SCN2A: variants seen among roughly 807,000 people sequenced by gnomAD.
The protein encoded by SCN2A is sodium channel protein type 2 subunit alpha.
A neutral mutation model predicts 188.7 loss-of-function variants in SCN2A; 20 were observed. That is an observed-to-expected ratio of 0.11 (90% CI 0.07 to 0.15). The LOEUF (loss-of-function observed/expected upper bound fraction) is 0.15. Ranked by LOEUF, SCN2A falls within the 10% of genes least tolerant of loss-of-function variation. SCN2A has a pLI of 1.00. For missense variants in SCN2A, 1,278 were observed against 2,445.0 expected, an observed-to-expected ratio of 0.52 and a Z score of 10.07; for synonymous variants, 804 against 833.1, an observed-to-expected ratio of 0.97 and a Z score of 0.60.
At chr2:165,341,677 G>A (rs1033840269) in intron 14 of SCN2A, among the ~76,000 whole-genome samples, 1 of 152,172 alleles carries the variant, frequency 6.6e-6, no homozygotes, top group African/African-American at 2.4e-5. Flanking sequence ...CTAAGACGCT[G>A]AAGTACTGAG....
At chr2:165,367,083 G>A in intron 18 of SCN2A, 134 bp from the exon 19 acceptor site, 1 of 803,910 alleles carries the variant, frequency 1.2e-6, no homozygotes, top group South Asian at 1.6e-5. Flanking sequence ...GCTTTTGTAA[G>A]CGGAAGCTAT....
At chr2:165,344,947 A>G (rs775813800) in intron 16 of SCN2A, 36 bp downstream of exon 16, 20 of 1,612,234 alleles carry the variant, frequency 1.2e-5, no homozygotes, top group Non-Finnish European at 1.7e-5. Context: ...TTTTCATTAA[A>G]AGATAATGTA....
chr2:165,367,958 T>G (rs1345252224), intron 19 of SCN2A, among the ~76,000 whole-genome samples: 1 of 152,162 alleles, frequency 6.6e-6, no homozygotes, highest in Non-Finnish European at 1.5e-5. Flanking sequence ...AGCTTTGCCA[T>G]CCATGGATGG....
At chr2:165,240,579 A>G (rs1416384444) in intron 1 of SCN2A, among the ~76,000 whole-genome samples, 1 of 152,096 alleles carries the variant, frequency 6.6e-6, no homozygotes, top group East Asian at 1.9e-4. Context: ...AGAGAAATTT[A>G]AAGAGATTTT....
chr2:165,258,775 C>T (rs1055998394), intron 1 of SCN2A, among the ~76,000 whole-genome samples: 3 of 152,158 alleles, frequency 2.0e-5, no homozygotes, highest in Non-Finnish European at 1.5e-5. Flanking sequence ...AAGATTATGT[C>T]CTCTGCAGGG....
intron 25 of SCN2A, among the ~76,000 whole-genome samples, chr2:165,381,741 TA>T (rs1701612350): frequency 6.6e-6 from 1 of 151,996 alleles, no homozygotes; most frequent in Non-Finnish European, 1.5e-5. Flanking sequence ...TCATTCTTTG[TA>T]GGGCTTTTTA....
At chr2:165,310,736 T>A in intron 7 of SCN2A, 141 bp downstream of exon 7, 1 of 530,706 alleles carries the variant, frequency 1.9e-6, no homozygotes, top group East Asian at 3.3e-5. Flanking sequence ...AAAAGAGATA[T>A]CAAATGATAC....
At chr2:165,373,485 A>C (rs1421361362) in intron 21 of SCN2A, 138 bp downstream of exon 21, 1 of 943,966 alleles carries the variant, frequency 1.1e-6, no homozygotes, top group South Asian at 1.6e-5. Context: ...CAAAAATAAT[A>C]TTTACCAGAT....
At chr2:165,365,313 A>AT (rs759119652) in intron 18 of SCN2A, 50 bp downstream of exon 18, 2 of 1,600,992 alleles carry the variant, frequency 1.2e-6, no homozygotes, top group African/African-American at 1.3e-5. Context: ...TTTTCTACCC[A>AT]TTTTTTCCTA....
At position 165,239,483 on chromosome 2, in the gene SCN2A, G is replaced by A. The variant is rs1042665220; in HGVS notation, c.-209G>A. ...AAGGCAAAGGAGGGAGGATGCTGTG[G>A]TCATCCTTTCTTGTTTTTTTCTTCT... On this transcript the variant is annotated 5_prime_UTR_variant, in exon 1 of 27. It introduces an in-frame stop codon into an upstream open reading frame of the 5' UTR. Transcript: ENST00000375437. The A allele has an allele frequency of 8.8e-6, 2 of 226,508 alleles. No individual in the cohort carries two copies. The highest frequency in any genetic ancestry group is 1.3e-4 in the Admixed American group (2 of 15,328). The allele number at this position is 226,508 out of a possible 1,614,324, so 14.0% of individuals were successfully genotyped here.
intron 16 of SCN2A, among the ~76,000 whole-genome samples, chr2:165,350,464 C>CTTTTT (rs71028479): frequency 1.8e-4 from 13 of 73,842 alleles, no homozygotes; most frequent in Non-Finnish European, 2.2e-4. Context: ...TGTTTTCTTT[C>CTTTTT]TTTTTTTTTT....
intron 12 of SCN2A, among the ~76,000 whole-genome samples, chr2:165,325,128 A>G (rs903735276): frequency 1.3e-5 from 2 of 152,172 alleles, no homozygotes; most frequent in African/African-American, 4.8e-5. Flanking sequence ...AATTGGGTAA[A>G]CAAAAGCAAA....
intron 1 of SCN2A, among the ~76,000 whole-genome samples, chr2:165,287,242 C>A (rs184449319): frequency 6.6e-6 from 1 of 152,150 alleles, no homozygotes; most frequent in East Asian, 1.9e-4. Flanking sequence ...CTGGTTACGG[C>A]GTTTGCATCT....
chr2:165,296,228 T>A, intron 2 of SCN2A, 138 bp downstream of exon 2: 2 of 816,028 alleles, frequency 2.5e-6, no homozygotes, highest in Non-Finnish European at 4.1e-6. Flanking sequence ...CCTGACCGTG[T>A]AATGGACCAA....
chr2:165,334,484 T>TA (rs1306458855), intron 14 of SCN2A, among the ~76,000 whole-genome samples: 1 of 151,792 alleles, frequency 6.6e-6, no homozygotes, highest in Non-Finnish European at 1.5e-5. Flanking sequence ...TGGACCAGCA[T>TA]AAAAAATTAA....
intron 22 of SCN2A, among the ~76,000 whole-genome samples, chr2:165,376,552 G>A (rs1007624835): frequency 2.6e-5 from 4 of 151,948 alleles, no homozygotes; most frequent in Admixed American, 2.0e-4. Context: ...AAACATGATG[G>A]TTCTAAAAAC....
At chr2:165,380,807 G>T (rs1367815713) in intron 24 of SCN2A, 78 bp downstream of exon 24, 4 of 1,132,752 alleles carry the variant, frequency 3.5e-6, no homozygotes, top group Admixed American at 2.3e-5. Context: ...CCTCCAAAAT[G>T]CAATCACCAA....
At position 165,308,777 on chromosome 2, in the gene SCN2A, C is replaced by T. The variant is rs755560612; in HGVS notation, c.588C>T (p.Phe196=). 3 of 1,612,782 alleles carry T rather than the reference C, an allele frequency of 1.9e-6. No individual in the cohort carries two copies. The highest frequency in any genetic ancestry group is 1.7e-6 in the Non-Finnish European group (2 of 1,179,042). The change falls in exon 5 of 27, where the codon TTC becomes TTT. Residue 196 remains phenylalanine (F), a synonymous_variant. Coordinates refer to ENST00000375437, the MANE Select transcript of SCN2A (RefSeq NM_001040142.2). ...GGGATCCATGGAATTGGTTGGATTTCACAGTCATTACTTTTGCGTAAGTAT... is the reference window on the plus strand; with the variant it reads ...GGGATCCATGGAATTGGTTGGATTTTACAGTCATTACTTTTGCGTAAGTAT... The part of the protein sequence containing the change: ...FLRDPWNWLD[F]TVITFAYVTE...
chr2:165,354,150 A>C (rs773007006), intron 16 of SCN2A, 42 bp from the exon 17 acceptor site: 1 of 1,612,052 alleles, frequency 6.2e-7, no homozygotes, highest in East Asian at 2.2e-5. Flanking sequence ...CAATTGAAGC[A>C]ATAGAATGTT....
Sources: gnomAD v4.1 joint callset for allele counts (sites outside exome capture counted in the v4.1 genomes callset) on GRCh38, gnomAD v4.1.1 for gene constraint, MANE v1.5 for transcripts, NCBI Gene and HGNC (gene_info 2026-07-23, HGNC 2026-07-21) for gene names.